Variants in TAFA1 observed in about 807,000 individuals in gnomAD.
TAFA1 encodes chemokine-like protein TAFA-1.
Under a neutral mutation model 18.5 loss-of-function variants are expected in TAFA1, and 4 were observed. That is an observed-to-expected ratio of 0.22 (90% CI 0.11 to 0.49). The LOEUF is 0.49. TAFA1 is among the 20% of genes least tolerant of loss of function. The pLI is 0.98. For missense variants in TAFA1, 147 were observed against 169.0 expected (o/e 0.87, Z 0.72); for synonymous variants, 56 against 55.2 (o/e 1.01, Z -0.06).
At chr3:68,253,738 C>A (rs1318069729) in intron 2 of TAFA1, among the ~76,000 whole-genome samples, 1 of 152,084 alleles carries the variant, frequency 6.6e-6, no homozygotes, top group African/African-American at 2.4e-5. Context: ...TGACATTTTT[C>A]TTGGTCAATG....
At chr3:68,113,971 C>T (rs1179964438) in intron 2 of TAFA1, among the ~76,000 whole-genome samples, 1 of 137,418 alleles carries the variant, frequency 7.3e-6, no homozygotes, top group Non-Finnish European at 1.5e-5. Context: ...GTGGCACAAT[C>T]TCGGCTCACT....
chr3:68,068,836 C>T (rs748369710), intron 2 of TAFA1, among the ~76,000 whole-genome samples: 9 of 152,152 alleles, frequency 5.9e-5, no homozygotes, highest in South Asian at 2.1e-4. Flanking sequence ...CAGGGGCTAA[C>T]ATTTTGGAGC....
intron 2 of TAFA1, among the ~76,000 whole-genome samples, chr3:68,330,981 T>C (rs1011149176): frequency 6.6e-6 from 1 of 152,180 alleles, no homozygotes; most frequent in African/African-American, 2.4e-5. Flanking sequence ...CAAAAATTTT[T>C]ACAGAATGTT....
intron 2 of TAFA1, among the ~76,000 whole-genome samples, chr3:68,074,095 C>G (rs1028207311): frequency 2.0e-5 from 3 of 152,156 alleles, no homozygotes; most frequent in Non-Finnish European, 4.4e-5. Context: ...GAGACAGTGA[C>G]AGATCATCAG....
Position 68,408,082 on chromosome 3 carries a change from G to C in TAFA1, c.119-9198G>C, listed in dbSNP as rs201066684. On this transcript the variant is annotated intron_variant, in intron 2 of 4. Coordinates refer to ENST00000478136, the MANE Select transcript of TAFA1 (RefSeq NM_213609.4). Reference sequence around the variant, plus strand: ...CCAAAAAAGCTACTTATACAACCCTGATCAAAAAGTCCTGTAAAAGTGACT... The same window carrying C: ...CCAAAAAAGCTACTTATACAACCCTCATCAAAAAGTCCTGTAAAAGTGACT... Among the ~76,000 whole-genome samples, 3 of 152,090 alleles carry C rather than the reference G, an allele frequency of 2.0e-5. No homozygotes were observed. In the East Asian group the frequency reaches 5.8e-4, roughly 30 times the overall value.
chr3:68,368,394 G>C (rs1266452442), intron 2 of TAFA1, among the ~76,000 whole-genome samples: 1 of 152,166 alleles, frequency 6.6e-6, no homozygotes, highest in Non-Finnish European at 1.5e-5. Context: ...TTTCACCTTT[G>C]GGGCCAGAAT....
chr3:68,134,082 AAC>A (rs1368711195), intron 2 of TAFA1, among the ~76,000 whole-genome samples: 1 of 122,574 alleles, frequency 8.2e-6, no homozygotes, highest in African/African-American at 2.7e-5. Flanking sequence ...AAAAAAAAAA[AAC>A]AATGAGAAAA....
rs905482025 is a variant in TAFA1, at chr3:68,544,654, C to T, written c.*151C>T. The T allele has an allele frequency of 1.1e-4, 79 of 737,604 alleles. No homozygotes were observed. Among genetic ancestry groups the T allele is most frequent in the African/African-American group, 4.3e-4 (24 of 56,312 alleles). The allele number at this position is 737,604 out of a possible 1,614,324, so 45.7% of individuals were successfully genotyped here. A position where few individuals can be genotyped will look rare whatever the true frequency, so the allele number is the denominator to read the frequency against. ...ATCACAGTGCGTTTACTGTGTGTAA[C>T]GAAATATCCTACAGTGAGAAGACAC... On this transcript the variant is annotated 3_prime_UTR_variant, in exon 5 of 5. Coordinates refer to ENST00000478136, the MANE Select transcript of TAFA1 (RefSeq NM_213609.4).
intron 2 of TAFA1, among the ~76,000 whole-genome samples, chr3:68,216,727 T>A (rs149023281): frequency 6.6e-6 from 1 of 152,026 alleles, no homozygotes; most frequent in African/African-American, 2.4e-5. Flanking sequence ...CATCTTGTAG[T>A]ACCAGTAAGC....
chr3:68,212,187 G>A (rs554329606), intron 2 of TAFA1, among the ~76,000 whole-genome samples: 3 of 151,620 alleles, frequency 2.0e-5, no homozygotes, highest in Non-Finnish European at 2.9e-5. Flanking sequence ...TTGGGGAGAG[G>A]AGGGGCAAAT....
chr3:68,534,887 C>CA (rs1187019375), intron 3 of TAFA1, among the ~76,000 whole-genome samples: 178 of 145,970 alleles, frequency 1.2e-3, no homozygotes, highest in African/African-American at 3.2e-3. Flanking sequence ...GAGGCAACAC[C>CA]AAAAAAAAAA....
At chr3:68,169,257 C>T (rs866984172) in intron 2 of TAFA1, among the ~76,000 whole-genome samples, 15 of 152,208 alleles carry the variant, frequency 9.9e-5, no homozygotes, top group East Asian at 1.9e-4. Context: ...CTGGACGGTA[C>T]GGGCTGCTAT....
At chr3:68,124,703 AG>A (rs1309357511) in intron 2 of TAFA1, among the ~76,000 whole-genome samples, 1 of 152,224 alleles carries the variant, frequency 6.6e-6, no homozygotes, top group African/African-American at 2.4e-5. Context: ...GAAGGAAACC[AG>A]TGGCTGGAGA....
intron 3 of TAFA1, among the ~76,000 whole-genome samples, chr3:68,494,743 A>T (rs578030077): frequency 5.9e-5 from 9 of 152,290 alleles, no homozygotes; most frequent in Admixed American, 3.3e-4. Flanking sequence ...AGCCTCTGTT[A>T]TTTCTGCACT....
chr3:68,445,944 C>G (rs2071468581), intron 3 of TAFA1, among the ~76,000 whole-genome samples: 1 of 152,068 alleles, frequency 6.6e-6, no homozygotes, highest in Non-Finnish European at 1.5e-5. Flanking sequence ...ACTCTTTGCC[C>G]AGGCTGGAAT....
the TAFA1 span, among the ~76,000 whole-genome samples, chr3:67,995,730 C>T: frequency 2.0e-5 from 3 of 152,114 alleles, no homozygotes; most frequent in Non-Finnish European, 2.9e-5. Context: ...AAAGCATTTT[C>T]CTCTGGCACT....
chr3:68,146,728 C>A (rs955929186), intron 2 of TAFA1, among the ~76,000 whole-genome samples: 2 of 152,118 alleles, frequency 1.3e-5, no homozygotes, highest in Non-Finnish European at 2.9e-5. Flanking sequence ...CTGGGTGATC[C>A]CAATTTATAA....
chr3:68,232,851 T>C (rs1199180105), intron 2 of TAFA1, among the ~76,000 whole-genome samples: 1 of 152,112 alleles, frequency 6.6e-6, no homozygotes, highest in Non-Finnish European at 1.5e-5. Context: ...TGATCCTCTC[T>C]GTTTGGTCCC....
intron 2 of TAFA1, among the ~76,000 whole-genome samples, chr3:68,287,113 G>A (rs570317697): frequency 6.6e-6 from 1 of 152,310 alleles, no homozygotes; most frequent in Non-Finnish European, 1.5e-5. Context: ...TCCAAGTGGA[G>A]ACCCTATTTG....
Sources: allele counts gnomAD v4.1 joint callset (sites outside exome capture counted in the v4.1 genomes callset), GRCh38; gene constraint gnomAD v4.1.1; transcripts MANE v1.5; gene names NCBI Gene and HGNC (gene_info 2026-07-23, HGNC 2026-07-21).